Variants in COL4A3 observed in about 807,000 individuals in gnomAD.
COL4A3 encodes collagen alpha-3(IV) chain.
In COL4A3, 135 loss-of-function variants were observed where a neutral mutation model predicts 217.4. That is an observed-to-expected ratio of 0.62 (90% CI 0.54 to 0.72). The LOEUF is 0.72. Ranked by LOEUF, COL4A3 falls within the 30% of genes least tolerant of loss-of-function variation. COL4A3 has a pLI of 0.00. For missense variants in COL4A3, 1,868 were observed against 2,119.9 expected, an observed-to-expected ratio of 0.88 and a Z score of 2.33; for synonymous variants, 690 against 736.3, an observed-to-expected ratio of 0.94 and a Z score of 1.02.
chr2:227,220,659 T>A (rs1285128897), intron 1 of COL4A3, among the ~76,000 whole-genome samples: 2 of 151,858 alleles, frequency 1.3e-5, no homozygotes, highest in East Asian at 3.9e-4. Flanking sequence ...AGAGACAGAG[T>A]CTCACTATGT....
chr2:227,187,893 G>T (rs1313000754), intron 1 of COL4A3, among the ~76,000 whole-genome samples: 10 of 152,162 alleles, frequency 6.6e-5, no homozygotes, highest in Non-Finnish European at 1.5e-4. Flanking sequence ...GAGGGAATAA[G>T]ATTGGTCCAG....
chr2:227,173,641 A>C (rs2065571814), intron 1 of COL4A3, among the ~76,000 whole-genome samples: 1 of 152,230 alleles, frequency 6.6e-6, no homozygotes. Flanking sequence ...CATGACTACA[A>C]GCCTCATATG....
intron 27 of COL4A3, 108 bp from the exon 28 acceptor site, chr2:227,277,337 AAAAC>A: frequency 8.1e-6 from 6 of 741,842 alleles, no homozygotes; most frequent in Admixed American, 5.1e-5. Context: ...AAAAAAAAAA[AAAAC>A]AATGTGCAAA....
At chr2:227,214,443 C>T (rs1047033179) in intron 1 of COL4A3, among the ~76,000 whole-genome samples, 4 of 152,178 alleles carry the variant, frequency 2.6e-5, no homozygotes, top group South Asian at 2.1e-4. Context: ...CTGATTTAAA[C>T]GTGTTGTTTG....
At chr2:227,294,902 A>T in intron 39 of COL4A3, 62 bp from the exon 40 acceptor site, 2 of 1,340,402 alleles carry the variant, frequency 1.5e-6, no homozygotes, top group South Asian at 2.4e-5. Flanking sequence ...CACTGGCAAG[A>T]AATAAATCCT....
intron 28 of COL4A3, among the ~76,000 whole-genome samples, chr2:227,278,438 G>C (rs1292227805): frequency 6.6e-6 from 1 of 152,124 alleles, no homozygotes; most frequent in Non-Finnish European, 1.5e-5. Flanking sequence ...GTCAAAAATA[G>C]CATCCTTGTT....
intron 1 of COL4A3, among the ~76,000 whole-genome samples, chr2:227,184,209 A>T (rs753021972): frequency 6.6e-6 from 1 of 152,192 alleles, no homozygotes; most frequent in Non-Finnish European, 1.5e-5. Context: ...CAGGATCAAC[A>T]AATGCAGACC....
chr2:227,311,304 G>A (rs1394537372), intron 51 of COL4A3, among the ~76,000 whole-genome samples: 2 of 151,818 alleles, frequency 1.3e-5, no homozygotes, highest in African/African-American at 4.8e-5. Context: ...ATTATAAAAT[G>A]CCACCATATA....
intron 1 of COL4A3, among the ~76,000 whole-genome samples, chr2:227,215,720 A>G (rs2067504320): frequency 6.6e-6 from 1 of 152,022 alleles, no homozygotes; most frequent in African/African-American, 2.4e-5. Context: ...CGGCCTCCCA[A>G]AGTGTTGGGA....
intron 38 of COL4A3, chr2:227,294,079 C>T: frequency 3.5e-6 from 1 of 284,102 alleles, no homozygotes; most frequent in Non-Finnish European, 6.8e-6. Flanking sequence ...TGAATTTTGG[C>T]TTTCTGGCTT....
intron 27 of COL4A3, among the ~76,000 whole-genome samples, chr2:227,276,768 G>C (rs1003474959): frequency 7.2e-5 from 11 of 152,190 alleles, no homozygotes; most frequent in African/African-American, 2.7e-4. Context: ...GAGTTTTGGT[G>C]GGGGAGCAAG....
intron 24 of COL4A3, among the ~76,000 whole-genome samples, chr2:227,270,399 T>C (rs573430914): frequency 1.3e-5 from 2 of 152,308 alleles, no homozygotes; most frequent in Non-Finnish European, 2.9e-5. Context: ...CGTTAAAAAT[T>C]AGAATCTTGA....
chr2:227,253,415 C>T lies in COL4A3; in HGVS notation c.687+78C>T, dbSNP rs374158850. 142 of 1,523,674 alleles carry T rather than the reference C, an allele frequency of 9.3e-5. No homozygotes were observed. The highest frequency in any genetic ancestry group is 4.9e-4 in the South Asian group (44 of 89,258). 94.4% of individuals were successfully genotyped at this position (1,523,674 alleles called of 1,614,324 possible). On this transcript the variant is annotated intron_variant, in intron 12 of 51. Transcript: ENST00000396578. This position sits in a 1 kb window ranked among gnomAD's most constrained non-coding sequence, Gnocchi z 4.4. ...CATATCAGCCTATACCGTTTACTTA[C>T]GGGCCAAGCTGAAATTGATGGGCCT...
intron 1 of COL4A3, among the ~76,000 whole-genome samples, chr2:227,165,234 T>G (rs1404626764): frequency 1.3e-5 from 2 of 152,168 alleles, no homozygotes. Flanking sequence ...AGGAGACACC[T>G]GCAGGGAGTC....
chr2:227,180,856 C>T lies in COL4A3; in HGVS notation c.87+16043C>T, dbSNP rs537357322. ...TACTCATTTAATTCTCCTTTTATTTCGTGACCTAGTATCAACTTCCTGGAA... is the reference window on the plus strand; with the variant it reads ...TACTCATTTAATTCTCCTTTTATTTTGTGACCTAGTATCAACTTCCTGGAA... On this transcript the variant is annotated intron_variant, in intron 1 of 51. Coordinates refer to ENST00000396578, the MANE Select transcript of COL4A3 (RefSeq NM_000091.5). Among the ~76,000 whole-genome samples, 8 of 152,284 alleles carry T rather than the reference C, an allele frequency of 5.3e-5. No homozygotes were observed. The South Asian group carries it at 6.2e-4, about 12-fold the overall frequency.
rs1009391240 is a variant in COL4A3 at position 227,253,697 on chromosome 2, G to C, written c.765+59G>C. The C allele has an allele frequency of 1.2e-5, 16 of 1,380,614 alleles. No individual in the cohort carries two copies. The Admixed American group carries it at 2.7e-4, about 23-fold the overall frequency. The allele number at this position is 1,380,614 out of a possible 1,614,324, so 85.5% of individuals were successfully genotyped here. A position where few individuals can be genotyped will look rare whatever the true frequency, so the allele number is the denominator to read the frequency against. ...TTCCCGTGTCTAGGATGAAGTCCTT[G>C]TGACCCTGCACCTCTTTTACAAGCT... On this transcript the variant is annotated intron_variant, in intron 13 of 51. Coordinates refer to ENST00000396578, the MANE Select transcript of COL4A3 (RefSeq NM_000091.5). The surrounding 1 kb of genome is among the most constrained non-coding windows in gnomAD (Gnocchi z 4.4).
At chr2:227,286,654 A>G (rs2072346011) in intron 34 of COL4A3, among the ~76,000 whole-genome samples, 1 of 152,222 alleles carries the variant, frequency 6.6e-6, no homozygotes, top group East Asian at 1.9e-4. Context: ...CTGTGCTGCC[A>G]GAGCTCTGTA....
intron 34 of COL4A3, among the ~76,000 whole-genome samples, chr2:227,287,313 C>T (rs1190020487): frequency 6.6e-6 from 1 of 152,088 alleles, no homozygotes; most frequent in Non-Finnish European, 1.5e-5. Context: ...CGCCTGTAAT[C>T]CCAGCTACTT....
chr2:227,208,612 A>G (rs1482545464), intron 1 of COL4A3, among the ~76,000 whole-genome samples: 1 of 152,020 alleles, frequency 6.6e-6, no homozygotes, highest in Non-Finnish European at 1.5e-5. Flanking sequence ...TGATCCCCAA[A>G]TGTTCGGGGA....
Sources: gnomAD v4.1 joint callset for allele counts (sites outside exome capture counted in the v4.1 genomes callset) on GRCh38, gnomAD v4.1.1 for gene constraint, Gnocchi (gnomAD v3.1) non-coding constraint, MANE v1.5 for transcripts, NCBI Gene and HGNC (gene_info 2026-07-23, HGNC 2026-07-21) for gene names.